Variants in LARGE1 observed in about 807,000 individuals in gnomAD.
LARGE1 encodes the protein xylosyl- and glucuronyltransferase LARGE1.
Under a neutral mutation model 87.6 loss-of-function variants are expected in LARGE1, and 43 were observed. The ratio of observed to expected loss-of-function variants is 0.49; its 90% CI spans 0.38 to 0.63. LARGE1 has a LOEUF of 0.63. Among genes scored for constraint, LARGE1 ranks in the 30% least tolerant of loss-of-function variants. The pLI, the probability that LARGE1 is intolerant of heterozygous loss-of-function variation, is 0.00. For missense variants in LARGE1, 802 were observed against 1,000.2 expected (o/e 0.80, Z 2.67); for synonymous variants, 434 against 394.6 (o/e 1.10, Z -1.18).
Position 33,487,060 on chromosome 22 carries a change from C to G in LARGE1, c.788-54795G>C, listed in dbSNP as rs545396921. Among the ~76,000 whole-genome samples the G allele has an allele frequency of 6.6e-5, 10 of 152,340 alleles. No individual in the cohort carries two copies. The South Asian group carries it at 1.9e-3, about 28-fold the overall frequency. On this transcript the variant is annotated intron_variant, in intron 6 of 14. Coordinates refer to ENST00000397394, the MANE Select transcript of LARGE1 (RefSeq NM_133642.5). ...AGTGACTGCAGCCTAAGTCTATTCT[C>G]TAGCCCTTTTGGATTGCTGCAAGCT...
At chr22:33,793,061 C>A (rs2085872504) in intron 1 of LARGE1, among the ~76,000 whole-genome samples, 1 of 152,228 alleles carries the variant, frequency 6.6e-6, no homozygotes, top group South Asian at 2.1e-4. Flanking sequence ...CACGACTGGC[C>A]ATGCTGCAGC....
chr22:33,443,570 C>T (rs923837967), intron 6 of LARGE1, among the ~76,000 whole-genome samples: 2 of 152,080 alleles, frequency 1.3e-5, no homozygotes, highest in South Asian at 2.1e-4. Flanking sequence ...CAGGGCACCT[C>T]GGGAGCATAG....
intron 1 of LARGE1, among the ~76,000 whole-genome samples, chr22:33,887,668 T>C (rs2064892980): frequency 6.6e-6 from 1 of 150,808 alleles, no homozygotes; most frequent in Non-Finnish European, 1.5e-5. Flanking sequence ...AGCCTGGAGG[T>C]GGAGGTTGTG....
intron 11 of LARGE1, among the ~76,000 whole-genome samples, chr22:33,198,748 G>A (rs923124496): frequency 4.0e-5 from 6 of 151,676 alleles, no homozygotes; most frequent in Admixed American, 6.6e-5. Context: ...CCAGTCCTCC[G>A]TAGATGGACA....
intron 2 of LARGE1, chr22:33,724,104 G>A (rs919893493): frequency 6.5e-6 from 1 of 153,382 alleles, no homozygotes; most frequent in Non-Finnish European, 1.5e-5. Context: ...CAGGCAGGAC[G>A]CCCAGTGAGA....
At chr22:33,632,841 T>G (rs1220621088) in intron 3 of LARGE1, among the ~76,000 whole-genome samples, 1 of 152,204 alleles carries the variant, frequency 6.6e-6, no homozygotes. Context: ...ATACATTTTA[T>G]TTATACTTTT....
chr22:33,907,832 C>G (rs554705438), intron 1 of LARGE1, among the ~76,000 whole-genome samples: 1 of 152,200 alleles, frequency 6.6e-6, no homozygotes, highest in East Asian at 1.9e-4. Flanking sequence ...CTCCTGACCT[C>G]GTGATCCACC....
intron 4 of LARGE1, among the ~76,000 whole-genome samples, chr22:33,622,359 C>T (rs1602765362): frequency 6.6e-6 from 1 of 152,266 alleles, no homozygotes; most frequent in Admixed American, 6.5e-5. Context: ...GAAGAAGATG[C>T]CTTGCTCCCG....
rs114654121 is a variant in LARGE1, at chr22:33,323,475, C to A, written c.1288-7227G>T. Among the ~76,000 whole-genome samples the A allele has an allele frequency of 2.5e-3, 379 of 152,298 alleles. 1 individual carries two copies. The highest frequency in any genetic ancestry group is 8.8e-3 in the African/African-American group (364 of 41,578). On this transcript the variant is annotated intron_variant, in intron 10 of 14. Transcript: ENST00000397394. ...GCGAGAAGAAGTCCAGGATGGGAAT[C>A]CAGTCTTCGGACCTCAAACCAGGGA...
intron 11 of LARGE1, among the ~76,000 whole-genome samples, chr22:33,236,024 T>C (rs1400862805): frequency 1.3e-5 from 2 of 152,112 alleles, no homozygotes; most frequent in African/African-American, 4.8e-5. Context: ...AGCCATGTGA[T>C]GATGGAGGCA....
the LARGE1 span, among the ~76,000 whole-genome samples, chr22:33,113,219 T>C: frequency 7.3e-5 from 11 of 150,982 alleles, no homozygotes; most frequent in Admixed American, 2.0e-4. Flanking sequence ...TTTTTTTTTT[T>C]TTTTTGAGAT....
chr22:33,545,653 G>A (rs1211558710), intron 6 of LARGE1, among the ~76,000 whole-genome samples: 3 of 152,188 alleles, frequency 2.0e-5, no homozygotes, highest in African/African-American at 7.2e-5. Flanking sequence ...TGGCCAGGCT[G>A]GTCTCGAACT....
chr22:33,302,235 G>A (rs1305020266), intron 12 of LARGE1, among the ~76,000 whole-genome samples: 1 of 152,232 alleles, frequency 6.6e-6, no homozygotes, highest in Non-Finnish European at 1.5e-5. Flanking sequence ...TGGATTCTAA[G>A]ACCCAGCAGG....
chr22:33,844,074 C>T (rs1233973463), intron 1 of LARGE1, among the ~76,000 whole-genome samples: 19 of 110,936 alleles, frequency 1.7e-4, no homozygotes, highest in Non-Finnish European at 3.2e-4. Context: ...AGTGAAACTC[C>T]GTCTCAAAAA....
intron 7 of LARGE1, among the ~76,000 whole-genome samples, chr22:33,392,834 C>G (rs534322220): frequency 6.6e-6 from 1 of 152,192 alleles, no homozygotes; most frequent in Non-Finnish European, 1.5e-5. Flanking sequence ...TTGTAATCCA[C>G]TGATTATTCA....
At chr22:33,443,283 C>T (rs959669442) in intron 6 of LARGE1, among the ~76,000 whole-genome samples, 1 of 152,308 alleles carries the variant, frequency 6.6e-6, no homozygotes, top group East Asian at 1.9e-4. Flanking sequence ...CACACCTACA[C>T]TTATGGTTAG....
At chr22:33,427,213 C>T (rs1209750605) in intron 7 of LARGE1, among the ~76,000 whole-genome samples, 1 of 152,140 alleles carries the variant, frequency 6.6e-6, no homozygotes, top group Non-Finnish European at 1.5e-5. Flanking sequence ...CTGGGCAGAG[C>T]GGTTGGAAAC....
chr22:33,357,492 C>T (rs1941005075), intron 9 of LARGE1, among the ~76,000 whole-genome samples: 1 of 152,174 alleles, frequency 6.6e-6, no homozygotes, highest in Admixed American at 6.5e-5. Context: ...ACTTGTACCA[C>T]TTAAATTTAT....
At chr22:33,113,550 C>A in the LARGE1 span, among the ~76,000 whole-genome samples, 13 of 152,322 alleles carry the variant, frequency 8.5e-5, no homozygotes, top group South Asian at 2.7e-3. Flanking sequence ...TTATCACTTA[C>A]CCATTCTACA....
Sources: allele counts gnomAD v4.1 joint callset (sites outside exome capture counted in the v4.1 genomes callset), GRCh38; gene constraint gnomAD v4.1.1; transcripts MANE v1.5; gene names NCBI Gene and HGNC (gene_info 2026-07-23, HGNC 2026-07-21).